RPTOR: variants seen among roughly 807,000 people sequenced by gnomAD.
RPTOR encodes the protein regulatory-associated protein of mTOR.
A neutral mutation model predicts 169.9 loss-of-function variants in RPTOR; 21 were observed. The ratio of observed to expected loss-of-function variants is 0.12; its 90% CI spans 0.09 to 0.18. The LOEUF (loss-of-function observed/expected upper bound fraction) is 0.18. Ranked by LOEUF, RPTOR falls within the 10% of genes least tolerant of loss-of-function variation. The pLI is 1.00. For synonymous variants in RPTOR, 732 were observed against 753.2 expected, an observed-to-expected ratio of 0.97 and a Z score of 0.46; for missense variants, 1,133 against 1,855.9, an observed-to-expected ratio of 0.61 and a Z score of 7.16.
intron 3 of RPTOR, among the ~76,000 whole-genome samples, chr17:80,667,418 G>A (rs933406799): frequency 4.6e-5 from 7 of 152,240 alleles, no homozygotes; most frequent in African/African-American, 1.7e-4. Flanking sequence ...AGGTGTTTGA[G>A]TGGATACAGA....
intron 6 of RPTOR, among the ~76,000 whole-genome samples, chr17:80,758,936 C>T (rs1008863774): frequency 6.6e-6 from 1 of 151,628 alleles, no homozygotes; most frequent in Non-Finnish European, 1.5e-5. Flanking sequence ...CCCTGCCGCC[C>T]CACTCCAGCT....
chr17:80,560,123 C>T (rs968048124), intron 1 of RPTOR, among the ~76,000 whole-genome samples: 18 of 152,310 alleles, frequency 1.2e-4, no homozygotes, highest in Middle Eastern at 6.8e-3. Context: ...AAGCACAGTG[C>T]AGTCATGATC....
At chr17:80,696,982 A>T (rs1409682869) in intron 3 of RPTOR, among the ~76,000 whole-genome samples, 3 of 152,164 alleles carry the variant, frequency 2.0e-5, no homozygotes, top group Non-Finnish European at 4.4e-5. Flanking sequence ...TGGCCCCATC[A>T]CGTAGGGTGG....
chr17:80,886,367 G>T lies in RPTOR; in HGVS notation c.1983+1219G>T, dbSNP rs957547486. The stretch of plus-strand genomic sequence containing the variant: ...TCTTGAAAATAGGAAGTGAGGTTCC[G>T]GGCTGCCTTTTCTGTTGGTTCTGAC... On this transcript the variant is annotated intron_variant, in intron 17 of 33. Coordinates refer to ENST00000306801, the MANE Select transcript of RPTOR (RefSeq NM_020761.3). 2.0e-5 allele frequency among the ~76,000 whole-genome samples: 3 copies of T among 152,306 alleles called. No individual in the cohort carries two copies. In the East Asian group the frequency reaches 5.8e-4, roughly 29 times the overall value.
intron 4 of RPTOR, among the ~76,000 whole-genome samples, chr17:80,725,898 C>T (rs2066328591): frequency 6.6e-6 from 1 of 152,216 alleles, no homozygotes; most frequent in African/African-American, 2.4e-5. Flanking sequence ...ATCGCCTCTC[C>T]TCCAAGGCAG....
At chr17:80,694,915 C>T (rs760106330) in intron 3 of RPTOR, among the ~76,000 whole-genome samples, 23 of 152,290 alleles carry the variant, frequency 1.5e-4, no homozygotes, top group African/African-American at 5.5e-4. Flanking sequence ...CTCAGCACCA[C>T]GGGCAGACAC....
Position 80,883,988 on chromosome 17 carries a change from G to A in RPTOR, c.1842+16G>A, listed in dbSNP as rs371596063. 6.2e-6 allele frequency: 10 copies of A among 1,601,260 alleles called. No individual in the cohort carries two copies. The highest frequency in any genetic ancestry group is 1.3e-5 in the African/African-American group (1 of 74,802). Reference sequence around the variant, plus strand: ...CATTCCCGAGGTGAGTCAGGCGGGGGCTCAGAGTCCAGTCCTCCTGGCTGC... The same window carrying A: ...CATTCCCGAGGTGAGTCAGGCGGGGACTCAGAGTCCAGTCCTCCTGGCTGC... On this transcript the variant is annotated intron_variant, in intron 16 of 33. Transcript: ENST00000306801.
intron 1 of RPTOR, among the ~76,000 whole-genome samples, chr17:80,578,253 A>G (rs1246332722): frequency 6.6e-6 from 1 of 152,162 alleles, no homozygotes; most frequent in East Asian, 1.9e-4. Context: ...GTCAACAGTC[A>G]TTGCGATGTT....
At chr17:80,716,062 T>G (rs961707136) in intron 4 of RPTOR, among the ~76,000 whole-genome samples, 7 of 152,242 alleles carry the variant, frequency 4.6e-5, no homozygotes, top group African/African-American at 1.7e-4. Flanking sequence ...TAATGACTTA[T>G]TTTCCTCTGG....
intron 11 of RPTOR, among the ~76,000 whole-genome samples, chr17:80,847,150 C>T (rs774783246): frequency 1.3e-5 from 2 of 152,278 alleles, no homozygotes; most frequent in Admixed American, 6.5e-5. Context: ...TTCCCTTGCA[C>T]GGGGCTGTCA....
intron 13 of RPTOR, among the ~76,000 whole-genome samples, chr17:80,880,140 A>C (rs947471478): frequency 6.6e-6 from 1 of 152,152 alleles, no homozygotes; most frequent in African/African-American, 2.4e-5. Context: ...CAGGGGCTGC[A>C]GGGCACTCCC....
intron 33 of RPTOR, 145 bp from the exon 34 acceptor site, chr17:80,964,117 G>A (rs542894177): frequency 9.6e-5 from 67 of 700,792 alleles, no homozygotes; most frequent in Admixed American, 6.1e-4. Context: ...GGACCGGCCC[G>A]GCATTTCCGG....
At chr17:80,810,306 A>G (rs79448350) in intron 7 of RPTOR, among the ~76,000 whole-genome samples, 4,788 of 152,222 alleles carry the variant, frequency 0.031, 273 homozygotes, top group African/African-American at 0.11. Context: ...TAAGTCTGCG[A>G]TCCGTTTCAA....
At chr17:80,902,872 G>A (rs1391154929) in intron 20 of RPTOR, among the ~76,000 whole-genome samples, 4 of 152,198 alleles carry the variant, frequency 2.6e-5, no homozygotes, top group Non-Finnish European at 4.4e-5. Context: ...CCTGCGTCTC[G>A]GCCAGAGTCC....
intron 2 of RPTOR, among the ~76,000 whole-genome samples, chr17:80,632,266 C>T (rs1485829115): frequency 1.3e-5 from 2 of 152,248 alleles, no homozygotes; most frequent in Admixed American, 6.5e-5. Flanking sequence ...TCTTCCTCTA[C>T]AGCAATGCTT....
chr17:80,592,700 C>T (rs188521321), intron 1 of RPTOR, among the ~76,000 whole-genome samples: 39 of 152,208 alleles, frequency 2.6e-4, no homozygotes, highest in African/African-American at 7.5e-4. Context: ...TAAGTATTCC[C>T]GTGATGCTGG....
chr17:80,691,248 G>GGT (rs1475710845), intron 3 of RPTOR, among the ~76,000 whole-genome samples: 1 of 128,260 alleles, frequency 7.8e-6, no homozygotes, highest in African/African-American at 3.7e-5. Flanking sequence ...TTCTCTCAAA[G>GGT]GTGACTAGTA....
At chr17:80,719,767 A>G (rs1254535582) in intron 4 of RPTOR, among the ~76,000 whole-genome samples, 2 of 152,190 alleles carry the variant, frequency 1.3e-5, no homozygotes, top group Non-Finnish European at 2.9e-5. Context: ...GGGAGTATAC[A>G]TCACCAGTAA....
At chr17:80,828,217 G>A (rs1344446717) in intron 9 of RPTOR, among the ~76,000 whole-genome samples, 2 of 152,204 alleles carry the variant, frequency 1.3e-5, no homozygotes. Flanking sequence ...AGGCAGAGAC[G>A]AGCAGGGAGT....
Sources: allele counts gnomAD v4.1 joint callset (sites outside exome capture counted in the v4.1 genomes callset), GRCh38; gene constraint gnomAD v4.1.1; transcripts MANE v1.5; gene names NCBI Gene and HGNC (gene_info 2026-07-23, HGNC 2026-07-21).